Variants in PLCZ1 observed in about 807,000 individuals in gnomAD.
The protein encoded by PLCZ1 is 1-phosphatidylinositol 4,5-bisphosphate phosphodiesterase zeta-1.
A neutral mutation model predicts 76.8 loss-of-function variants in PLCZ1; 64 were observed. The ratio of observed to expected loss-of-function variants is 0.83; its 90% confidence interval spans 0.68 to 1.03. The LOEUF is 1.03. Ranked by LOEUF, PLCZ1 falls within the 50% of genes least tolerant of loss-of-function variation. The pLI is 0.00. For synonymous variants in PLCZ1, 248 were observed against 230.8 expected (o/e 1.07, Z -0.68); for missense variants, 751 against 713.7 (o/e 1.05, Z -0.60).
At chr12:18,717,398 A>G (rs1412589644) in intron 5 of PLCZ1, among the ~76,000 whole-genome samples, 1 of 152,152 alleles carries the variant, frequency 6.6e-6, no homozygotes, top group African/African-American at 2.4e-5. Context: ...ATTTACTTGT[A>G]TGTTTGATAT....
the PLCZ1 span, among the ~76,000 whole-genome samples, chr12:18,652,696 C>T: frequency 6.6e-6 from 1 of 152,020 alleles, no homozygotes; most frequent in Admixed American, 6.6e-5. Context: ...AAGCAAGGTC[C>T]CAGTCTTCAC....
At chr12:18,663,746 T>C in the PLCZ1 span, among the ~76,000 whole-genome samples, 4 of 151,818 alleles carry the variant, frequency 2.6e-5, no homozygotes, top group South Asian at 4.2e-4. Context: ...AAGAAAGAAA[T>C]TGAACTTCAT....
intron 6 of PLCZ1, among the ~76,000 whole-genome samples, chr12:18,706,012 G>T (rs1348410140): frequency 6.6e-6 from 1 of 150,720 alleles, no homozygotes; most frequent in Non-Finnish European, 1.5e-5. Flanking sequence ...GGATCACCTG[G>T]GGTCAGGAGT....
chr12:18,672,249 A>G, the PLCZ1 span, among the ~76,000 whole-genome samples: 3 of 152,212 alleles, frequency 2.0e-5, no homozygotes, highest in African/African-American at 7.2e-5. Context: ...TTTTAATGAG[A>G]AAATACAACT....
chr12:18,725,311 A>G (rs952374247), intron 3 of PLCZ1, among the ~76,000 whole-genome samples: 4 of 152,176 alleles, frequency 2.6e-5, no homozygotes, highest in African/African-American at 9.7e-5. Context: ...GCAATAAGAA[A>G]GAAGGTGCAA....
intron 5 of PLCZ1, among the ~76,000 whole-genome samples, chr12:18,717,430 C>A (rs568137811): frequency 6.6e-6 from 1 of 152,070 alleles, no homozygotes; most frequent in Non-Finnish European, 1.5e-5. Flanking sequence ...TAGAAGATAT[C>A]TTTTCTATTG....
chr12:18,723,903 A>G (rs1379174412), intron 3 of PLCZ1, among the ~76,000 whole-genome samples: 1 of 152,090 alleles, frequency 6.6e-6, no homozygotes, highest in Non-Finnish European at 1.5e-5. Flanking sequence ...AGCCTGGACC[A>G]TATATGTCAG....
At chr12:18,676,905 T>G in the PLCZ1 span, among the ~76,000 whole-genome samples, 1 of 152,136 alleles carries the variant, frequency 6.6e-6, no homozygotes, top group Admixed American at 6.6e-5. Flanking sequence ...TCCTCATTTT[T>G]TAAAACTTCA....
At chr12:18,722,214 C>A (rs566183925) in intron 4 of PLCZ1, among the ~76,000 whole-genome samples, 1 of 12,124 alleles carries the variant, frequency 8.2e-5, no homozygotes, top group East Asian at 0.1. Flanking sequence ...CTCTCCATCA[C>A]CTTCTTGCTC....
the PLCZ1 span, among the ~76,000 whole-genome samples, chr12:18,660,325 A>G: frequency 0.12 from 18,796 of 152,102 alleles, 1,370 homozygotes; most frequent in African/African-American, 0.2. Flanking sequence ...CTGATATCTG[A>G]TTGATGCTCT....
At chr12:18,661,861 A>G in the PLCZ1 span, among the ~76,000 whole-genome samples, 21 of 152,234 alleles carry the variant, frequency 1.4e-4, no homozygotes, top group African/African-American at 4.3e-4. Context: ...ATAGGAATCA[A>G]CCTATGTGCC....
rs758499880 is a variant in PLCZ1, at chr12:18,699,836, AATT to A, written c.1129_1131del (p.Asn377del). On this transcript the variant is annotated inframe_deletion, in exon 10 of 15. Coordinates refer to ENST00000266505, the MANE Select transcript of PLCZ1 (RefSeq NM_033123.4). The stretch of plus-strand genomic sequence containing the variant: ...TTTCGGGCTTGTGTCTCCCCAATAG[AATT>A]ATTTTCATTAAATTGCTGATATAAT... 6.2e-6 allele frequency: 10 copies of A among 1,613,396 alleles called. No homozygotes were observed. In the East Asian group the frequency reaches 2.2e-4, roughly 36 times the overall value.
At chr12:18,668,784 T>A in the PLCZ1 span, among the ~76,000 whole-genome samples, 2 of 152,178 alleles carry the variant, frequency 1.3e-5, no homozygotes, top group Admixed American at 6.6e-5. Flanking sequence ...CCTGCTGATA[T>A]TCACCTCAGG....
chr12:18,656,265 C>A, the PLCZ1 span, among the ~76,000 whole-genome samples: 5 of 151,918 alleles, frequency 3.3e-5, no homozygotes, highest in African/African-American at 1.2e-4. Flanking sequence ...CCTGTCTATA[C>A]CAAAAAAGCA....
chr12:18,703,851 A>G (rs1352961102), intron 7 of PLCZ1, among the ~76,000 whole-genome samples: 2 of 152,198 alleles, frequency 1.3e-5, no homozygotes, highest in African/African-American at 4.8e-5. Context: ...CCTTTTGATT[A>G]TTTTAAGTTG....
Position 18,737,489 on chromosome 12 carries a change from T to C in PLCZ1, c.-118A>G, listed in dbSNP as rs1184345318. On this transcript the variant is annotated 5_prime_UTR_variant, in exon 2 of 15. Transcript: ENST00000266505. ...TTTGCAGAAAATAATTTCTTGATACTCATCAGCTGTTACCACTTTTCTAGG... is the reference window on the plus strand; with the variant it reads ...TTTGCAGAAAATAATTTCTTGATACCCATCAGCTGTTACCACTTTTCTAGG... The C allele has an allele frequency of 2.9e-6, 4 of 1,396,956 alleles. No homozygotes were observed. Among genetic ancestry groups the C allele is most frequent in the Non-Finnish European group, 4.0e-6 (4 of 989,430 alleles). 86.5% of individuals were successfully genotyped at this position (1,396,956 alleles called of 1,614,324 possible).
In PLCZ1 at chr12:18,736,984, G is replaced by A. The variant is rs896162162; in HGVS notation, c.11+377C>T. Among the ~76,000 whole-genome samples the A allele has an allele frequency of 7.2e-5, 11 of 152,142 alleles. 1 individual carries two copies. The South Asian group carries it at 2.3e-3, about 32-fold the overall frequency. ...AATTTTTAAAAGCTTACTTATCATA[G>A]ATAAACTACAAAAACTAGGACACTT... On this transcript the variant is annotated intron_variant, in intron 2 of 14. Coordinates refer to ENST00000266505, the MANE Select transcript of PLCZ1 (RefSeq NM_033123.4).
At chr12:18,711,957 G>A (rs995558306) in intron 6 of PLCZ1, among the ~76,000 whole-genome samples, 1 of 151,896 alleles carries the variant, frequency 6.6e-6, no homozygotes, top group African/African-American at 2.4e-5. Context: ...TATTTATTTT[G>A]TACTCCATTT....
chr12:18,724,118 G>A (rs1439607333), intron 3 of PLCZ1, among the ~76,000 whole-genome samples: 1 of 152,092 alleles, frequency 6.6e-6, no homozygotes, highest in East Asian at 1.9e-4. Flanking sequence ...CAGGATGATT[G>A]GGAGTTTCTG....
Sources: allele counts gnomAD v4.1 joint callset (sites outside exome capture counted in the v4.1 genomes callset), GRCh38; gene constraint gnomAD v4.1.1; transcripts MANE v1.5; gene names NCBI Gene and HGNC (gene_info 2026-07-23, HGNC 2026-07-21).